The following IQCJ variants were observed in gnomAD, a reference collection of about 807,000 sequenced individuals.
The protein encoded by IQCJ is IQ motif containing J, also known as IQ domain-containing protein J.
A neutral mutation model predicts 11.0 loss-of-function variants in IQCJ; 9 were observed. The ratio of observed to expected loss-of-function variants is 0.82; its 90% confidence interval spans 0.49 to 1.43. IQCJ has a LOEUF of 1.43. Among genes scored for constraint, IQCJ ranks in the 40% most tolerant of loss-of-function variants. The probability of loss-of-function intolerance (pLI) is 0.00; values close to 1 mark genes in which losing one functional copy is unlikely to be tolerated. For synonymous variants in IQCJ, 55 were observed against 51.3 expected (o/e 1.07, Z -0.31); for missense variants, 146 against 133.2 (o/e 1.10, Z -0.47).
At chr3:159,131,265 C>T (rs1290759165) in intron 1 of IQCJ, among the ~76,000 whole-genome samples, 1 of 152,090 alleles carries the variant, frequency 6.6e-6, no homozygotes, top group Non-Finnish European at 1.5e-5. Context: ...AAGTATGTCT[C>T]TCTCTTAACG....
intron 1 of IQCJ, among the ~76,000 whole-genome samples, chr3:159,090,026 C>A (rs540439911): frequency 1.3e-5 from 2 of 151,642 alleles, no homozygotes; most frequent in African/African-American, 4.9e-5. Context: ...TTTTTCTGCT[C>A]GGTTTTTTCC....
rs548181431 is a variant in IQCJ at position 159,263,462 on chromosome 3, A to C, written c.*731A>C. 8.4e-5 allele frequency: 83 copies of C among 984,602 alleles called. No homozygotes were observed. Among genetic ancestry groups the C allele is most frequent in the Non-Finnish European group, 9.5e-5 (79 of 829,186 alleles). The allele number at this position is 984,602 out of a possible 1,614,324, so 61.0% of individuals were successfully genotyped here. ...AAGTCTTTATTTTTAAAAAACACCA[A>C]AAGTGGGAAGAAATCAGTGATGAGG... On this transcript the variant is annotated 3_prime_UTR_variant, in exon 4 of 4. Transcript: ENST00000397832.
downstream of IQCJ, chr3:159,265,106 T>TGGTTTGTC (rs1728426549): frequency 1.2e-6 from 1 of 839,774 alleles, no homozygotes; most frequent in Non-Finnish European, 1.9e-6. Flanking sequence ...TCCAAGTCTC[T>TGGTTTGTC]GGTTTGTCAC....
At chr3:159,083,803 G>A (rs925596137) in intron 1 of IQCJ, among the ~76,000 whole-genome samples, 1 of 152,068 alleles carries the variant, frequency 6.6e-6, no homozygotes, top group Non-Finnish European at 1.5e-5. Flanking sequence ...AAGAAAAACA[G>A]TATCAAAAAA....
intron 1 of IQCJ, among the ~76,000 whole-genome samples, chr3:159,093,374 C>A (rs971193274): frequency 5.3e-5 from 8 of 151,870 alleles, no homozygotes; most frequent in African/African-American, 1.7e-4. Context: ...ACTTCCAACT[C>A]CTTTTGCTAA....
In IQCJ at chr3:159,215,333, C is replaced by T. The variant is rs191616081; in HGVS notation, c.10-30510C>T. On this transcript the variant is annotated intron_variant, in intron 1 of 3. Transcript: ENST00000397832. ...CTTCCTCCAGGACTAGGGAGGACAC[C>T]TTTACCATGAAGGTTTAATGACCTG... Among the ~76,000 whole-genome samples, 4 of 152,230 alleles carry T rather than the reference C, an allele frequency of 2.6e-5. No individual in the cohort carries two copies. The East Asian group carries it at 7.7e-4, about 29-fold the overall frequency.
At chr3:159,116,592 T>C (rs1719013168) in intron 1 of IQCJ, among the ~76,000 whole-genome samples, 1 of 139,440 alleles carries the variant, frequency 7.2e-6, no homozygotes, top group Non-Finnish European at 1.5e-5. Flanking sequence ...CCTCTTGTTC[T>C]ATTTTAGCAT....
At chr3:159,169,279 CTTTTTTTTTT>C (rs141888128) in intron 1 of IQCJ, among the ~76,000 whole-genome samples, 5 of 56,404 alleles carry the variant, frequency 8.9e-5, no homozygotes, top group Middle Eastern at 0.017. Context: ...TTCTTTCTTT[CTTTTTTTTTT>C]TTTTTTTTTT....
chr3:159,202,844 T>C (rs1221930871), intron 1 of IQCJ, among the ~76,000 whole-genome samples: 1 of 152,052 alleles, frequency 6.6e-6, no homozygotes, highest in African/African-American at 2.4e-5. Flanking sequence ...TACTCTTGTT[T>C]TGGGTCTGTA....
At chr3:159,149,770 C>T (rs763296017) in intron 1 of IQCJ, among the ~76,000 whole-genome samples, 10 of 152,140 alleles carry the variant, frequency 6.6e-5, no homozygotes, top group Non-Finnish European at 8.8e-5. Context: ...GCCTATTGTT[C>T]TTATATCCCA....
intron 1 of IQCJ, among the ~76,000 whole-genome samples, chr3:159,223,299 T>C (rs1725654798): frequency 6.6e-6 from 1 of 152,076 alleles, no homozygotes; most frequent in Non-Finnish European, 1.5e-5. Context: ...GGAAAGAATA[T>C]AATAGGTAGC....
At chr3:159,084,909 A>C (rs1318206166) in intron 1 of IQCJ, among the ~76,000 whole-genome samples, 2 of 75,948 alleles carry the variant, frequency 2.6e-5, no homozygotes, top group African/African-American at 8.2e-5. Context: ...GGAATGCATA[A>C]GTTCTTTTTT....
chr3:159,144,386 C>A (rs1720800779), intron 1 of IQCJ, among the ~76,000 whole-genome samples: 1 of 152,180 alleles, frequency 6.6e-6, no homozygotes, highest in Non-Finnish European at 1.5e-5. Context: ...GCTGGCACAT[C>A]TTTGGCATGA....
At chr3:159,084,791 A>AG in intron 1 of IQCJ, among the ~76,000 whole-genome samples, 1 of 152,080 alleles carries the variant, frequency 6.6e-6, no homozygotes, top group East Asian at 1.9e-4. Flanking sequence ...ATGACAGAGG[A>AG]GGTAACCCCA....
chr3:159,121,137 TC>T (rs1719352998), intron 1 of IQCJ, among the ~76,000 whole-genome samples: 1 of 127,306 alleles, frequency 7.9e-6, no homozygotes, highest in Non-Finnish European at 1.6e-5. Context: ...TTTTCTTTTT[TC>T]TTTTTTTTTT....
At chr3:159,176,723 A>C (rs1722810760) in intron 1 of IQCJ, among the ~76,000 whole-genome samples, 1 of 152,214 alleles carries the variant, frequency 6.6e-6, no homozygotes, top group Non-Finnish European at 1.5e-5. Flanking sequence ...AATTAATGAG[A>C]TACTTTATTT....
Position 159,219,397 on chromosome 3 carries a change from T to C in IQCJ, c.10-26446T>C, listed in dbSNP as rs531170556. 2.6e-5 allele frequency among the ~76,000 whole-genome samples: 4 copies of C among 152,272 alleles called. No homozygotes were observed. In the South Asian group the frequency reaches 8.3e-4, roughly 32 times the overall value. The stretch of plus-strand genomic sequence containing the variant: ...GAGGCTAGAAAATACCACATTTCAA[T>C]TCTATGACACATAAAAGTTACTGGC... On this transcript the variant is annotated intron_variant, in intron 1 of 3. Transcript: ENST00000397832.
chr3:159,190,911 A>G (rs962084266), intron 1 of IQCJ, among the ~76,000 whole-genome samples: 7 of 152,256 alleles, frequency 4.6e-5, no homozygotes, highest in African/African-American at 1.7e-4. Flanking sequence ...TTAGGGGAAC[A>G]TTAGACATTG....
At chr3:159,160,243 AG>A (rs1721760326) in intron 1 of IQCJ, among the ~76,000 whole-genome samples, 1 of 152,078 alleles carries the variant, frequency 6.6e-6, no homozygotes, top group Non-Finnish European at 1.5e-5. Context: ...CCGGGGGAGG[AG>A]GTACTCATTA....
Sources: gnomAD v4.1 joint callset for allele counts (sites outside exome capture counted in the v4.1 genomes callset) on GRCh38, gnomAD v4.1.1 for gene constraint, MANE v1.5 for transcripts, NCBI Gene and HGNC (gene_info 2026-07-23, HGNC 2026-07-21) for gene names.